TFDP2: variants seen among roughly 807,000 people sequenced by gnomAD.
The protein encoded by TFDP2 is transcription factor Dp-2 (E2F dimerization partner 2).
Under a neutral mutation model 59.3 loss-of-function variants are expected in TFDP2, and 17 were observed. The ratio of observed to expected loss-of-function variants is 0.29; its 90% CI spans 0.20 to 0.43. TFDP2 has a LOEUF of 0.43. Ranked by LOEUF, TFDP2 falls within the 20% of genes least tolerant of loss-of-function variation. The probability of loss-of-function intolerance (pLI) is 1.00; values close to 1 mark genes in which losing one functional copy is unlikely to be tolerated. For synonymous variants in TFDP2, 180 were observed against 194.7 expected, an observed-to-expected ratio of 0.92 and a Z score of 0.63; for missense variants, 391 against 528.8, an observed-to-expected ratio of 0.74 and a Z score of 2.56.
At chr3:142,134,216 G>C (rs1371489884) in intron 1 of TFDP2, among the ~76,000 whole-genome samples, 2 of 151,474 alleles carry the variant, frequency 1.3e-5, no homozygotes, top group African/African-American at 4.8e-5. Context: ...GGGCGTGGTG[G>C]CACATGCCTG....
intron 1 of TFDP2, among the ~76,000 whole-genome samples, chr3:142,106,989 T>C (rs962232932): frequency 4.6e-5 from 7 of 152,150 alleles, no homozygotes; most frequent in Non-Finnish European, 1.5e-5. Context: ...AAAAAGCTGC[T>C]ACTAAAAATT....
Position 141,952,981 on chromosome 3 carries a change from G to A in TFDP2, c.1087C>T (p.Leu363=). 1 of 1,614,104 alleles carries A rather than the reference G, an allele frequency of 6.2e-7. No individual in the cohort carries two copies. Among genetic ancestry groups the A allele is most frequent in the Non-Finnish European group, 8.5e-7 (1 of 1,179,988 alleles). ...STGPSWLNQG[L]LLNSTQSVSN... is the part of the protein sequence containing the mutation. ...ACTGATTGGGTAGAGTTCAGAAGTA[G>A]TCCCTGATTTAACCAAGAAGGTCCT... Residue 363 remains leucine, a synonymous_variant, in exon 12 of 13, where the codon CTA becomes TTA. Coordinates refer to ENST00000489671, the MANE Select transcript of TFDP2 (RefSeq NM_001178139.2).
intron 4 of TFDP2, among the ~76,000 whole-genome samples, chr3:141,997,802 A>G (rs1282281524): frequency 7.0e-6 from 1 of 143,500 alleles, no homozygotes; most frequent in Non-Finnish European, 1.5e-5. Context: ...GTAAGCAGAG[A>G]TCATGCCACT....
chr3:142,026,228 G>C (rs1037585875), intron 3 of TFDP2, among the ~76,000 whole-genome samples: 2 of 152,110 alleles, frequency 1.3e-5, no homozygotes, highest in Admixed American at 1.3e-4. Context: ...GGTGGTGGAC[G>C]CCTGTAGTCC....
rs377538520 is a variant in TFDP2 at position 142,108,375 on chromosome 3, A to G, written c.-92-6534T>C. 9.2e-5 allele frequency among the ~76,000 whole-genome samples: 14 copies of G among 151,894 alleles called. No individual in the cohort carries two copies. The East Asian group carries it at 2.5e-3, about 27-fold the overall frequency. On this transcript the variant is annotated intron_variant, in intron 1 of 12. Transcript: ENST00000489671. Reference sequence around the variant, plus strand: ...CAGGAGCCTGCCACCACGCATGGCTAATTTTCTTATTTTTAGTAGAGACGG... The same window carrying G: ...CAGGAGCCTGCCACCACGCATGGCTGATTTTCTTATTTTTAGTAGAGACGG...
intron 1 of TFDP2, among the ~76,000 whole-genome samples, chr3:142,124,229 T>A (rs1156948445): frequency 6.6e-6 from 1 of 152,160 alleles, no homozygotes; most frequent in African/African-American, 2.4e-5. Flanking sequence ...TTCCTTTTAA[T>A]TTGCTCAACT....
At chr3:142,088,117 C>G (rs748478634) in intron 3 of TFDP2, among the ~76,000 whole-genome samples, 11 of 152,102 alleles carry the variant, frequency 7.2e-5, no homozygotes, top group Non-Finnish European at 1.6e-4. Flanking sequence ...CTTGTTTATC[C>G]TTAGCACCTA....
chr3:142,035,749 T>C (rs1222769632), intron 3 of TFDP2, among the ~76,000 whole-genome samples: 1 of 152,164 alleles, frequency 6.6e-6, no homozygotes, highest in African/African-American at 2.4e-5. Flanking sequence ...CTGGTTACTA[T>C]AAGTGGGAGT....
At chr3:142,096,229 A>G (rs1223769887) in intron 2 of TFDP2, among the ~76,000 whole-genome samples, 3 of 152,230 alleles carry the variant, frequency 2.0e-5, no homozygotes, top group Admixed American at 2.0e-4. Flanking sequence ...TAAAGCTTAT[A>G]TATAAAACCA....
At chr3:142,001,068 G>A (rs537532126) in intron 4 of TFDP2, among the ~76,000 whole-genome samples, 1 of 152,186 alleles carries the variant, frequency 6.6e-6, no homozygotes, top group Non-Finnish European at 1.5e-5. Flanking sequence ...GCAACCCCGC[G>A]CACCTCAGCT....
chr3:141,969,164 ACATATATATAT>A (rs1939202422), intron 9 of TFDP2, among the ~76,000 whole-genome samples: 1 of 73,082 alleles, frequency 1.4e-5, no homozygotes, highest in African/African-American at 1.0e-4. Flanking sequence ...TATATATATA[ACATATATATAT>A]ATCTCATATA....
At chr3:142,033,962 T>C (rs9848817) in intron 3 of TFDP2, among the ~76,000 whole-genome samples, 93,406 of 152,020 alleles carry the variant, frequency 0.61, 30,020 homozygotes, top group East Asian at 0.77. Flanking sequence ...CATCTTAACA[T>C]TTCAAATGCA....
intron 2 of TFDP2, among the ~76,000 whole-genome samples, chr3:142,096,044 C>G (rs2061152395): frequency 6.6e-6 from 1 of 152,146 alleles, no homozygotes. Context: ...AACACCTGCT[C>G]TTAATATCCA....
intron 11 of TFDP2, among the ~76,000 whole-genome samples, chr3:141,958,384 A>G (rs1936956363): frequency 6.6e-6 from 1 of 152,180 alleles, no homozygotes; most frequent in Non-Finnish European, 1.5e-5. Flanking sequence ...AAAAAATCAA[A>G]TCACCAAAGA....
At chr3:142,009,467 T>G (rs1386252878) in intron 3 of TFDP2, among the ~76,000 whole-genome samples, 1 of 151,908 alleles carries the variant, frequency 6.6e-6, no homozygotes, top group Non-Finnish European at 1.5e-5. Flanking sequence ...ATCCCAGCAT[T>G]TTGGGAAGCC....
intron 1 of TFDP2, 26 bp downstream of exon 1, chr3:142,149,157 G>C (rs769246475): frequency 7.5e-6 from 3 of 397,852 alleles, no homozygotes; most frequent in East Asian, 7.1e-5. Context: ...CCGCGCGCGG[G>C]CCCGCGCCCT....
chr3:141,994,170 T>G (rs1233597530), intron 5 of TFDP2: 2 of 152,294 alleles, frequency 1.3e-5, no homozygotes. Flanking sequence ...TATTTGTGTT[T>G]GTACATGTGT....
chr3:142,072,520 T>C (rs77092046), intron 3 of TFDP2, among the ~76,000 whole-genome samples: 1,868 of 152,254 alleles, frequency 0.012, 40 homozygotes, highest in African/African-American at 0.043. Flanking sequence ...TGGTTTCTAA[T>C]AACATTCTCC....
chr3:142,148,555 A>C (rs1560196267), intron 1 of TFDP2, among the ~76,000 whole-genome samples: 1 of 152,258 alleles, frequency 6.6e-6, no homozygotes, highest in Non-Finnish European at 1.5e-5. Flanking sequence ...CCGAGATCAC[A>C]CAATGGGAGA....
Sources: gnomAD v4.1 joint callset for allele counts (sites outside exome capture counted in the v4.1 genomes callset) on GRCh38, gnomAD v4.1.1 for gene constraint, MANE v1.5 for transcripts, NCBI Gene and HGNC (gene_info 2026-07-23, HGNC 2026-07-21) for gene names.